Variants in CNTN1 observed in about 807,000 individuals in gnomAD.
CNTN1 encodes contactin 1.
CNTN1 carries 38 observed loss-of-function variants against 126.4 expected under a neutral mutation model. The observed-to-expected ratio is 0.30, with a 90% CI of 0.23 to 0.39. The LOEUF is 0.39. Among genes scored for constraint, CNTN1 ranks in the 10% least tolerant of loss-of-function variants. The probability of loss-of-function intolerance (pLI) is 1.00; values close to 1 mark genes in which losing one functional copy is unlikely to be tolerated. For synonymous variants in CNTN1, 413 were observed against 422.6 expected, an observed-to-expected ratio of 0.98 and a Z score of 0.28; for missense variants, 1,009 against 1,248.4, an observed-to-expected ratio of 0.81 and a Z score of 2.89.
chr12:40,704,671 T>C (rs1941692351), intron 1 of CNTN1, among the ~76,000 whole-genome samples: 1 of 152,178 alleles, frequency 6.6e-6, no homozygotes, highest in Non-Finnish European at 1.5e-5. Flanking sequence ...CAATCATATC[T>C]GTTATGGGGG....
intron 1 of CNTN1, among the ~76,000 whole-genome samples, chr12:40,801,992 T>C (rs896494631): frequency 2.0e-5 from 3 of 151,556 alleles, no homozygotes; most frequent in Admixed American, 6.6e-5. Flanking sequence ...GGATACAATA[T>C]ATAATTAGGG....
At chr12:40,836,947 T>C (rs927026328) in intron 1 of CNTN1, among the ~76,000 whole-genome samples, 1 of 152,202 alleles carries the variant, frequency 6.6e-6, no homozygotes, top group Non-Finnish European at 1.5e-5. Context: ...AAAGTTTCTC[T>C]TCCATATCAC....
intron 1 of CNTN1, among the ~76,000 whole-genome samples, chr12:40,773,670 T>C (rs1409644045): frequency 9.8e-5 from 1 of 10,154 alleles, no homozygotes; most frequent in African/African-American, 1.8e-4. Flanking sequence ...TATATATATA[T>C]ATACACATAT....
At chr12:40,860,677 G>C (rs757403833) in intron 1 of CNTN1, among the ~76,000 whole-genome samples, 2 of 152,116 alleles carry the variant, frequency 1.3e-5, no homozygotes, top group African/African-American at 4.8e-5. Flanking sequence ...GCAAGTATGG[G>C]ACAAGGGGCA....
chr12:40,920,935 A>G (rs1945419840), intron 4 of CNTN1, among the ~76,000 whole-genome samples: 1 of 152,210 alleles, frequency 6.6e-6, no homozygotes, highest in African/African-American at 2.4e-5. Flanking sequence ...GTAAGATAAT[A>G]AACAAATATT....
At chr12:40,931,704 T>G (rs1306012737) in intron 7 of CNTN1, among the ~76,000 whole-genome samples, 1 of 151,962 alleles carries the variant, frequency 6.6e-6, no homozygotes, top group Non-Finnish European at 1.5e-5. Context: ...TCAGGACAGC[T>G]AACCCTGTGG....
chr12:40,759,095 G>T (rs1244884576), intron 1 of CNTN1, among the ~76,000 whole-genome samples: 1 of 151,860 alleles, frequency 6.6e-6, no homozygotes, highest in Non-Finnish European at 1.5e-5. Context: ...TAGAGATGGA[G>T]GTTTCATCAT....
chr12:40,999,296 GTTA>G (rs1009178341), intron 17 of CNTN1, among the ~76,000 whole-genome samples: 43 of 152,244 alleles, frequency 2.8e-4, no homozygotes, highest in South Asian at 1.0e-3. Flanking sequence ...AATTATACAT[GTTA>G]TTAATAAATG....
At chr12:40,869,013 A>T (rs1427923775) in intron 1 of CNTN1, among the ~76,000 whole-genome samples, 1 of 151,946 alleles carries the variant, frequency 6.6e-6, no homozygotes, top group South Asian at 2.1e-4. Context: ...TTTTTTTCAG[A>T]AATATTAAAG....
At chr12:40,777,891 A>T (rs896360467) in intron 1 of CNTN1, among the ~76,000 whole-genome samples, 1 of 151,836 alleles carries the variant, frequency 6.6e-6, no homozygotes, top group Non-Finnish European at 1.5e-5. Flanking sequence ...GGAAATATGT[A>T]TAAGTAATAA....
At chr12:40,765,397 T>C (rs921599275) in intron 1 of CNTN1, among the ~76,000 whole-genome samples, 4 of 152,200 alleles carry the variant, frequency 2.6e-5, no homozygotes, top group African/African-American at 7.2e-5. Context: ...GATAGGAAGC[T>C]GATTCACAGA....
At chr12:40,760,010 T>C (rs1938792157) in intron 1 of CNTN1, among the ~76,000 whole-genome samples, 1 of 152,080 alleles carries the variant, frequency 6.6e-6, no homozygotes, top group Non-Finnish European at 1.5e-5. Context: ...GGGGGTCCAC[T>C]TTGCCTGTTG....
intron 1 of CNTN1, among the ~76,000 whole-genome samples, chr12:40,761,623 GTA>G (rs1441666955): frequency 6.6e-6 from 1 of 151,968 alleles, no homozygotes; most frequent in African/African-American, 2.4e-5. Context: ...GCTGTTGCTT[GTA>G]TGAGTATTTA....
intron 1 of CNTN1, among the ~76,000 whole-genome samples, chr12:40,728,541 C>A (rs925823808): frequency 4.6e-5 from 7 of 152,016 alleles, no homozygotes; most frequent in African/African-American, 1.7e-4. Flanking sequence ...AAGGACTTGG[C>A]AAAAATGTTG....
At chr12:40,741,004 C>A (rs1937922564) in intron 1 of CNTN1, among the ~76,000 whole-genome samples, 1 of 151,970 alleles carries the variant, frequency 6.6e-6, no homozygotes, top group African/African-American at 2.4e-5. Flanking sequence ...TGGACTAATA[C>A]CCCTCCTATA....
At chr12:40,820,563 G>C (rs1055179035) in intron 1 of CNTN1, among the ~76,000 whole-genome samples, 1 of 152,154 alleles carries the variant, frequency 6.6e-6, no homozygotes, top group Non-Finnish European at 1.5e-5. Context: ...CTGGAACATG[G>C]GTACAAGTGG....
chr12:40,950,097 GGTGTGTGTGTGTGTGT>G (rs59713493), intron 14 of CNTN1, among the ~76,000 whole-genome samples: 37,762 of 145,156 alleles, frequency 0.26, 5,131 homozygotes, highest in Non-Finnish European at 0.32. Context: ...GTGTTGAGAG[GGTGTGTGTGTGTGTGT>G]GTGTGTGTGT....
intron 1 of CNTN1, among the ~76,000 whole-genome samples, chr12:40,867,981 G>A (rs377236099): frequency 1.3e-5 from 2 of 151,396 alleles, no homozygotes; most frequent in East Asian, 3.9e-4. Flanking sequence ...TTACATCTTA[G>A]CTTTGAACCT....
rs142036042 is a variant in CNTN1 at position 40,888,321 on chromosome 12, C to T, written c.-76-20036C>T. Among the ~76,000 whole-genome samples the T allele has an allele frequency of 4.6e-3, 693 of 152,122 alleles. 6 individuals carry two copies. Among genetic ancestry groups the T allele is most frequent in the African/African-American group, 0.012 (511 of 41,494 alleles). ...TGATAGTGTTACCCATTTCCTTATA[C>T]GTGTACTTTATATATATTTCTAATT... On this transcript the variant is annotated intron_variant, in intron 1 of 23. Transcript: ENST00000551295.
Sources: allele counts gnomAD v4.1 joint callset (sites outside exome capture counted in the v4.1 genomes callset), GRCh38; gene constraint gnomAD v4.1.1; transcripts MANE v1.5; gene names NCBI Gene and HGNC (gene_info 2026-07-23, HGNC 2026-07-21).